The following BORCS5 variants were observed in gnomAD, a reference collection of about 807,000 sequenced individuals.
BORCS5 encodes BLOC-1-related complex subunit 5.
A neutral mutation model predicts 22.1 loss-of-function variants in BORCS5; 17 were observed. That is an observed-to-expected ratio of 0.77 (90% CI 0.53 to 1.15). The LOEUF is 1.15. Ranked by LOEUF, BORCS5 falls within the 50% of genes most tolerant of loss-of-function variation. BORCS5 has a pLI of 0.00. For missense variants in BORCS5, 247 were observed against 253.2 expected (o/e 0.98, Z 0.17); for synonymous variants, 117 against 99.8 (o/e 1.17, Z -1.03).
Position 12,468,397 on chromosome 12 carries a change from T to C in BORCS5, c.*2621T>C, listed in dbSNP as rs1393508891. 6.6e-6 allele frequency: 1 copy of C among 152,220 alleles called. No individual in the cohort carries two copies. The highest frequency in any genetic ancestry group is 1.5e-5 in the Non-Finnish European group (1 of 68,038). The allele number at this position is 152,220 out of a possible 1,614,324, so 9.4% of individuals were successfully genotyped here. ...TACCCCATGACCTATCTGGCCGTTA[T>C]GGGATATTTCAGGGATAGGAGTTGT... On this transcript the variant is annotated 3_prime_UTR_variant, in exon 4 of 4. Coordinates refer to ENST00000314565, the MANE Select transcript of BORCS5 (RefSeq NM_058169.6).
chr12:12,464,933 G>C (rs1943171909), intron 3 of BORCS5, among the ~76,000 whole-genome samples: 1 of 152,140 alleles, frequency 6.6e-6, no homozygotes, highest in South Asian at 2.1e-4. Flanking sequence ...CCAGGGAAGA[G>C]AAGGATTGAG....
In BORCS5 at chr12:12,421,110, G is replaced by A. The variant is rs60322129; in HGVS notation, c.203-14518G>A. On this transcript the variant is annotated intron_variant, in intron 2 of 3. Transcript: ENST00000314565. ...TGTTGAATAGGAGTGGTGAGAGGGAGCATTCTTGTCTTGTGCCGATTTTCA... is the reference window on the plus strand; with the variant it reads ...TGTTGAATAGGAGTGGTGAGAGGGAACATTCTTGTCTTGTGCCGATTTTCA... 3.8e-3 allele frequency among the ~76,000 whole-genome samples: 573 copies of A among 152,304 alleles called. 6 individuals carry two copies. The highest frequency in any genetic ancestry group is 0.013 in the African/African-American group (534 of 41,562).
chr12:12,420,721 T>A (rs1046693548), intron 2 of BORCS5, among the ~76,000 whole-genome samples: 17 of 152,208 alleles, frequency 1.1e-4, no homozygotes, highest in African/African-American at 3.9e-4. Flanking sequence ...TTTATCTCGT[T>A]ATTTCATCGA....
At chr12:12,399,114 A>G (rs1941415169) in intron 2 of BORCS5, among the ~76,000 whole-genome samples, 2 of 152,204 alleles carry the variant, frequency 1.3e-5, no homozygotes, top group African/African-American at 4.8e-5. Flanking sequence ...TGTGTTTTAC[A>G]GTATTACTAA....
At chr12:12,445,769 G>A (rs1942776259) in intron 3 of BORCS5, among the ~76,000 whole-genome samples, 1 of 150,200 alleles carries the variant, frequency 6.7e-6, no homozygotes, top group African/African-American at 2.4e-5. Flanking sequence ...CAGTAGCTAG[G>A]ATTACAGGTG....
At chr12:12,374,484 A>AG (rs945309682) in intron 2 of BORCS5, among the ~76,000 whole-genome samples, 2 of 151,224 alleles carry the variant, frequency 1.3e-5, no homozygotes, top group African/African-American at 4.9e-5. Context: ...GAAAAAAAAA[A>AG]AAAAGTTTAT....
At chr12:12,463,699 T>C (rs993381076) in intron 3 of BORCS5, among the ~76,000 whole-genome samples, 1 of 152,188 alleles carries the variant, frequency 6.6e-6, no homozygotes, top group African/African-American at 2.4e-5. Flanking sequence ...TTACAAAAGC[T>C]TTGGAGACAT....
chr12:12,414,102 C>T (rs1469107121), intron 2 of BORCS5, among the ~76,000 whole-genome samples: 11 of 79,738 alleles, frequency 1.4e-4, no homozygotes, highest in Admixed American at 3.2e-4. Context: ...GCTGGCCGGG[C>T]GGGGGGCTGA....
rs959248113 is a variant in BORCS5 at position 12,357,116 on chromosome 12, C to G, written c.-336C>G. 26 of 1,534,562 alleles carry G rather than the reference C, an allele frequency of 1.7e-5. No homozygotes were observed. The highest frequency in any genetic ancestry group is 2.3e-5 in the Non-Finnish European group (26 of 1,146,252). On this transcript the variant is annotated 5_prime_UTR_variant, in exon 1 of 4. Transcript: ENST00000314565. ...AAGGAGCGAGCTTGCGGAGCGTGAA[C>G]CAGTGAGTGAAAGCGGCGCCGCCCG...
intron 2 of BORCS5, among the ~76,000 whole-genome samples, chr12:12,418,994 CATTT>C (rs1942043652): frequency 1.3e-5 from 2 of 152,030 alleles, no homozygotes; most frequent in Non-Finnish European, 2.9e-5. Flanking sequence ...TGCAGTGAAA[CATTT>C]ATATTCCTTT....
Position 12,370,099 on chromosome 12 carries a change from TAC to T in BORCS5, c.202+8785_202+8786del, listed in dbSNP as rs56408181. Among the ~76,000 whole-genome samples the T allele has an allele frequency of 8.3e-3, 1,205 of 145,258 alleles. 8 individuals are homozygous for T. The highest frequency in any genetic ancestry group is 0.016 in the South Asian group (74 of 4,490). ...CGTTAGAAATCCCATAGTGGTTTTA[TAC>T]ACACACACACACACACACACACACA... On this transcript the variant is annotated intron_variant, in intron 2 of 3. Coordinates refer to ENST00000314565, the MANE Select transcript of BORCS5 (RefSeq NM_058169.6).
At chr12:12,454,277 C>T (rs1238020110) in intron 3 of BORCS5, among the ~76,000 whole-genome samples, 1 of 152,204 alleles carries the variant, frequency 6.6e-6, no homozygotes, top group Non-Finnish European at 1.5e-5. Flanking sequence ...AAATGACTGT[C>T]CCATTTTACA....
intron 2 of BORCS5, among the ~76,000 whole-genome samples, chr12:12,410,073 GGTT>G (rs1233667187): frequency 6.6e-6 from 1 of 151,646 alleles, no homozygotes; most frequent in African/African-American, 2.4e-5. Context: ...TTTTTGATGG[GGTT>G]GTTTTTTTCT....
chr12:12,378,061 A>G (rs575215704), intron 2 of BORCS5, among the ~76,000 whole-genome samples: 1 of 152,234 alleles, frequency 6.6e-6, no homozygotes, highest in Non-Finnish European at 1.5e-5. Context: ...CTTTGATTTT[A>G]AAATACTTCT....
chr12:12,457,975 A>G (rs1943029627), intron 3 of BORCS5, among the ~76,000 whole-genome samples: 1 of 152,214 alleles, frequency 6.6e-6, no homozygotes. Context: ...AGGATTCGGG[A>G]TAACCGTGGT....
chr12:12,360,045 T>C (rs1447804496), intron 1 of BORCS5, among the ~76,000 whole-genome samples: 1 of 152,170 alleles, frequency 6.6e-6, no homozygotes, highest in East Asian at 1.9e-4. Context: ...TATTTAGTTA[T>C]GAAAGAAGTT....
At chr12:12,378,546 G>A (rs961228094) in intron 2 of BORCS5, among the ~76,000 whole-genome samples, 6 of 142,356 alleles carry the variant, frequency 4.2e-5, no homozygotes, top group African/African-American at 1.0e-4. Context: ...ATAACTAACC[G>A]GTTTTCTTTA....
At chr12:12,420,666 T>C (rs925852732) in intron 2 of BORCS5, among the ~76,000 whole-genome samples, 1 of 152,202 alleles carries the variant, frequency 6.6e-6, no homozygotes, top group Non-Finnish European at 1.5e-5. Context: ...ATTGATTCTT[T>C]GTATCCGTGA....
chr12:12,401,859 C>T (rs568272072), intron 2 of BORCS5, among the ~76,000 whole-genome samples: 6 of 151,670 alleles, frequency 4.0e-5, no homozygotes, highest in African/African-American at 1.2e-4. Context: ...AAGATCGAGA[C>T]CATCCTGGTT....
Sources: allele counts gnomAD v4.1 joint callset (sites outside exome capture counted in the v4.1 genomes callset), GRCh38; gene constraint gnomAD v4.1.1; transcripts MANE v1.5; gene names NCBI Gene and HGNC (gene_info 2026-07-23, HGNC 2026-07-21).